Variants in PTPRD observed in about 807,000 individuals in gnomAD.
The protein encoded by PTPRD is protein tyrosine phosphatase receptor type D.
In PTPRD, 34 loss-of-function variants were observed where a neutral mutation model predicts 214.5. That is an observed-to-expected ratio of 0.16 (90% confidence interval 0.12 to 0.21). PTPRD has a LOEUF of 0.21. Ranked by LOEUF, PTPRD falls within the 10% of genes least tolerant of loss-of-function variation. The pLI is 1.00. For missense variants in PTPRD, 2,545 were observed against 2,398.7 expected (o/e 1.06, Z -1.27); for synonymous variants, 1,128 against 845.7 (o/e 1.33, Z -5.79).
chr9:9,538,056 TCAGA>T (rs1415260201), intron 8 of PTPRD, among the ~76,000 whole-genome samples: 2 of 151,758 alleles, frequency 1.3e-5, no homozygotes, highest in Admixed American at 1.3e-4. Context: ...TGGACTGGAG[TCAGA>T]CAAAGGGTGT....
intron 11 of PTPRD, among the ~76,000 whole-genome samples, chr9:8,992,020 G>C (rs1036635752): frequency 6.6e-6 from 1 of 152,114 alleles, no homozygotes; most frequent in Admixed American, 6.6e-5. Context: ...GTTTGAGAGT[G>C]AGAAGGATGG....
At chr9:9,652,015 G>A (rs1054132072) in intron 7 of PTPRD, among the ~76,000 whole-genome samples, 5 of 150,774 alleles carry the variant, frequency 3.3e-5, no homozygotes, top group South Asian at 2.1e-4. Context: ...TTGTTTTTTT[G>A]TATTTTTAGT....
chr9:9,767,764 A>G (rs1384156410), intron 5 of PTPRD, among the ~76,000 whole-genome samples: 1 of 152,156 alleles, frequency 6.6e-6, no homozygotes, highest in Non-Finnish European at 1.5e-5. Flanking sequence ...ACACCCTAAA[A>G]AAATAGAAGT....
At chr9:10,133,583 G>A (rs1374335720) in intron 3 of PTPRD, among the ~76,000 whole-genome samples, 1 of 151,966 alleles carries the variant, frequency 6.6e-6, no homozygotes, top group African/African-American at 2.4e-5. Flanking sequence ...AATATATAAT[G>A]TATAATATGA....
chr9:9,551,615 G>A (rs1166045004), intron 8 of PTPRD, among the ~76,000 whole-genome samples: 3 of 151,868 alleles, frequency 2.0e-5, no homozygotes, highest in African/African-American at 4.8e-5. Context: ...GCTCCTATAT[G>A]GTTCTCAGTA....
rs550759154 is a variant in PTPRD at position 9,133,812 on chromosome 9, T to C, written c.-143+49492A>G. Among the ~76,000 whole-genome samples the C allele has an allele frequency of 2.6e-5, 4 of 152,214 alleles. No homozygotes were observed. The East Asian group carries it at 5.8e-4, about 22-fold the overall frequency. The stretch of plus-strand genomic sequence containing the variant: ...ACAGGGGCTGAGCTGCCTGTGCACA[T>C]GTAGAATGAGAAAGGCTCCCACTTC... On this transcript the variant is annotated intron_variant, in intron 10 of 45. Coordinates refer to ENST00000381196, the MANE Select transcript of PTPRD (RefSeq NM_002839.4).
At chr9:10,042,201 C>G (rs543374386) in intron 3 of PTPRD, among the ~76,000 whole-genome samples, 2 of 152,052 alleles carry the variant, frequency 1.3e-5, no homozygotes, top group South Asian at 2.1e-4. Flanking sequence ...CCCCTTTTCA[C>G]CTGTTCAGCT....
At chr9:9,627,683 TAG>T (rs141621432) in intron 7 of PTPRD, among the ~76,000 whole-genome samples, 43 of 152,110 alleles carry the variant, frequency 2.8e-4, no homozygotes, top group African/African-American at 1.0e-3. Flanking sequence ...GAGACAGTGG[TAG>T]AGAGAGAGAG....
chr9:8,574,104 A>G (rs1025162587), intron 14 of PTPRD, among the ~76,000 whole-genome samples: 1 of 151,862 alleles, frequency 6.6e-6, no homozygotes, highest in Non-Finnish European at 1.5e-5. Context: ...AAACCTATTA[A>G]TACCTACAGA....
At chr9:9,399,863 C>A (rs933106494) in intron 8 of PTPRD, among the ~76,000 whole-genome samples, 4 of 151,990 alleles carry the variant, frequency 2.6e-5, no homozygotes, top group Non-Finnish European at 5.9e-5. Flanking sequence ...CTAAATTACC[C>A]AGTAAACAGC....
chr9:10,603,426 A>G (rs1055562633), intron 2 of PTPRD, among the ~76,000 whole-genome samples: 1 of 151,836 alleles, frequency 6.6e-6, no homozygotes, highest in African/African-American at 2.4e-5. Context: ...CATTTGAAAG[A>G]ATTTGTCTTA....
At chr9:9,486,150 CAAAAAAAAAAAAAAAAAAA>C (rs71319226) in intron 8 of PTPRD, among the ~76,000 whole-genome samples, 822 of 30,220 alleles carry the variant, frequency 0.027, 22 homozygotes, top group South Asian at 0.096. Flanking sequence ...GACTCTCTCT[CAAAAAAAAAAAAAAAAAAA>C]AAAAAAAAAA....
chr9:8,337,356 G>A (rs903356558), intron 43 of PTPRD, among the ~76,000 whole-genome samples: 2 of 151,970 alleles, frequency 1.3e-5, no homozygotes, highest in Non-Finnish European at 2.9e-5. Flanking sequence ...ACTAACACAG[G>A]AACAGAAAAC....
chr9:10,167,201 A>C (rs894330406), intron 3 of PTPRD, among the ~76,000 whole-genome samples: 1 of 152,030 alleles, frequency 6.6e-6, no homozygotes, highest in African/African-American at 2.4e-5. Context: ...TTCAGAGAGA[A>C]TTAAGAAATA....
At chr9:8,421,457 C>A (rs2094359971) in intron 35 of PTPRD, among the ~76,000 whole-genome samples, 1 of 151,862 alleles carries the variant, frequency 6.6e-6, no homozygotes, top group African/African-American at 2.4e-5. Context: ...ACAGGAATAT[C>A]CTGATAAACG....
chr9:9,422,487 T>C (rs578035810), intron 8 of PTPRD, among the ~76,000 whole-genome samples: 2 of 152,162 alleles, frequency 1.3e-5, no homozygotes, highest in South Asian at 4.1e-4. Context: ...ACTGGAGAGC[T>C]TTGAGCTTGC....
chr9:10,321,004 T>C (rs1176563285), intron 3 of PTPRD, among the ~76,000 whole-genome samples: 1 of 151,998 alleles, frequency 6.6e-6, no homozygotes, highest in South Asian at 2.1e-4. Flanking sequence ...AGATTACAGA[T>C]GTGAGCCACT....
chr9:9,146,389 T>C (rs1240543675), intron 10 of PTPRD, among the ~76,000 whole-genome samples: 2 of 152,098 alleles, frequency 1.3e-5, no homozygotes, highest in Non-Finnish European at 2.9e-5. Flanking sequence ...AATGCAAAAT[T>C]TGGGGCCCTA....
chr9:8,423,348 TAG>T (rs1191348296), intron 35 of PTPRD, among the ~76,000 whole-genome samples: 2 of 152,152 alleles, frequency 1.3e-5, no homozygotes, highest in African/African-American at 4.8e-5. Context: ...GAAATAAATG[TAG>T]GTAGGCAGTG....
Sources: allele counts gnomAD v4.1 joint callset (sites outside exome capture counted in the v4.1 genomes callset), GRCh38; gene constraint gnomAD v4.1.1; transcripts MANE v1.5; gene names NCBI Gene and HGNC (gene_info 2026-07-23, HGNC 2026-07-21).